IGF1R: variants seen among roughly 807,000 people sequenced by gnomAD.
IGF1R encodes insulin like growth factor 1 receptor, also known as insulin-like growth factor 1 receptor.
A neutral mutation model predicts 144.6 loss-of-function variants in IGF1R; 44 were observed. That is an observed-to-expected ratio of 0.30 (90% CI 0.24 to 0.39). The LOEUF (loss-of-function observed/expected upper bound fraction) is 0.39, where lower values mean the gene tolerates loss of function less well. IGF1R is among the 10% of genes least tolerant of loss of function. The probability of loss-of-function intolerance (pLI) is 1.00; values close to 1 mark genes in which losing one functional copy is unlikely to be tolerated. For synonymous variants in IGF1R, 795 were observed against 722.8 expected (o/e 1.10, Z -1.60); for missense variants, 1,355 against 1,833.7 (o/e 0.74, Z 4.77).
At chr15:98,665,406 A>G (rs1037319010) in intron 1 of IGF1R, among the ~76,000 whole-genome samples, 1 of 152,120 alleles carries the variant, frequency 6.6e-6, no homozygotes, top group Non-Finnish European at 1.5e-5. Context: ...TTTGGATTCC[A>G]AGGCCCTTTT....
intron 2 of IGF1R, among the ~76,000 whole-genome samples, chr15:98,807,073 G>A (rs1169230741): frequency 6.6e-6 from 1 of 152,270 alleles, no homozygotes; most frequent in East Asian, 1.9e-4. Context: ...AAATTAGAAC[G>A]GCCTCACTCA....
rs549043322 is a variant in IGF1R at position 98,652,020 on chromosome 15, A to G, written c.94+2345A>G. 1.0e-4 allele frequency among the ~76,000 whole-genome samples: 15 copies of G among 150,232 alleles called. No individual in the cohort carries two copies. In the South Asian group the frequency reaches 1.7e-3, roughly 17 times the overall value. ...CGTTCTTTCAGCTGTTGTCTGGTGG[A>G]GAAATAAAGACAGGGTGTTGGTTCA... On this transcript the variant is annotated intron_variant, in intron 1 of 20. Transcript: ENST00000650285.
intron 2 of IGF1R, among the ~76,000 whole-genome samples, chr15:98,835,794 A>G (rs1486627016): frequency 6.6e-6 from 1 of 152,166 alleles, no homozygotes; most frequent in Non-Finnish European, 1.5e-5. Flanking sequence ...TCCTTCAGTA[A>G]CTTACTTAAA....
At chr15:98,827,322 G>T (rs943486388) in intron 2 of IGF1R, among the ~76,000 whole-genome samples, 1 of 152,142 alleles carries the variant, frequency 6.6e-6, no homozygotes, top group African/African-American at 2.4e-5. Context: ...CTGTAACCTC[G>T]TTCACATGCC....
intron 2 of IGF1R, among the ~76,000 whole-genome samples, chr15:98,832,124 C>T (rs1224771444): frequency 6.6e-6 from 1 of 152,160 alleles, no homozygotes; most frequent in Non-Finnish European, 1.5e-5. Flanking sequence ...AGAAATTCTT[C>T]CTTTTGCCCC....
At chr15:98,701,139 A>G (rs1251949430) in intron 1 of IGF1R, among the ~76,000 whole-genome samples, 3 of 151,974 alleles carry the variant, frequency 2.0e-5, no homozygotes, top group Admixed American at 6.6e-5. Context: ...GCTTACTGAG[A>G]CAAAACCGAC....
chr15:98,910,130 G>A (rs1315889425), intron 6 of IGF1R, among the ~76,000 whole-genome samples: 1 of 152,192 alleles, frequency 6.6e-6, no homozygotes. Context: ...TGCTCTGGGG[G>A]ATCTTAGAGG....
chr15:98,892,676 T>C (rs1030925454), intron 3 of IGF1R, among the ~76,000 whole-genome samples: 1 of 152,218 alleles, frequency 6.6e-6, no homozygotes, highest in Non-Finnish European at 1.5e-5. Flanking sequence ...ACTATAACTT[T>C]GAAAGCAAAA....
chr15:98,728,863 T>G (rs1371813762), intron 2 of IGF1R, among the ~76,000 whole-genome samples: 5 of 152,240 alleles, frequency 3.3e-5, no homozygotes, highest in Non-Finnish European at 7.3e-5. Flanking sequence ...ATCAGACAGA[T>G]CTGGCTTAAA....
rs746317149 is a variant in IGF1R at position 98,691,367 on chromosome 15, G to GTTT, written c.95-16182_95-16180dup. ...TTGGAGTTGTCTCATGGTTTTTTTTGTTTTTTTTTTTTTTTGAGACAGAGT... is the reference window on the plus strand; with the variant it reads ...TTGGAGTTGTCTCATGGTTTTTTTTGTTTTTTTTTTTTTTTTTTGAGACAGAGT... On this transcript the variant is annotated intron_variant, in intron 1 of 20. Coordinates refer to ENST00000650285, the MANE Select transcript of IGF1R (RefSeq NM_000875.5). Among the ~76,000 whole-genome samples, 191 of 132,146 alleles carry GTTT rather than the reference G, an allele frequency of 1.4e-3. 1 individual carries two copies. Among genetic ancestry groups the GTTT allele is most frequent in the African/African-American group, 5.2e-3 (180 of 34,918 alleles). 86.7% of individuals were successfully genotyped at this position (132,146 alleles called of 152,430 possible). A position where few individuals can be genotyped will look rare whatever the true frequency, so the allele number is the denominator to read the frequency against.
At chr15:98,895,469 G>A (rs957591171) in intron 3 of IGF1R, among the ~76,000 whole-genome samples, 1 of 151,904 alleles carries the variant, frequency 6.6e-6, no homozygotes, top group African/African-American at 2.4e-5. Context: ...AGAAACAACA[G>A]AAGGCCAAGT....
chr15:98,959,417 C>T lies in IGF1R; in HGVS notation c.*1975C>T, dbSNP rs981486635. 8 of 233,834 alleles carry T rather than the reference C, an allele frequency of 3.4e-5. No homozygotes were observed. Among genetic ancestry groups the T allele is most frequent in the African/African-American group, 1.8e-4 (8 of 45,344 alleles). The allele number at this position is 233,834 out of a possible 1,614,324, so 14.5% of individuals were successfully genotyped here. A position where few individuals can be genotyped will look rare whatever the true frequency, so the allele number is the denominator to read the frequency against. Reference sequence around the variant, plus strand: ...GACCTGTCTTTGGAACCAGAACATCCCAAGGGAACTCCTTCGCACTGGCGT... The same window carrying T: ...GACCTGTCTTTGGAACCAGAACATCTCAAGGGAACTCCTTCGCACTGGCGT... On this transcript the variant is annotated 3_prime_UTR_variant, in exon 21 of 21. Transcript: ENST00000650285.
At chr15:98,812,934 AC>A (rs1844020327) in intron 2 of IGF1R, among the ~76,000 whole-genome samples, 1 of 152,264 alleles carries the variant, frequency 6.6e-6, no homozygotes, top group South Asian at 2.1e-4. Context: ...CATTAAGTCC[AC>A]AAACCTGCTT....
intron 6 of IGF1R, among the ~76,000 whole-genome samples, chr15:98,910,260 A>C (rs2014951133): frequency 1.3e-5 from 2 of 152,122 alleles, no homozygotes; most frequent in South Asian, 4.2e-4. Context: ...TCATAGTAAA[A>C]TCGGATGTAT....
At chr15:98,679,704 C>A (rs117730909) in intron 1 of IGF1R, among the ~76,000 whole-genome samples, 262 of 151,288 alleles carry the variant, frequency 1.7e-3, no homozygotes, top group East Asian at 0.017. Context: ...AGAGTGTACT[C>A]CTTATACTTA....
At position 98,961,456 on chromosome 15, in the gene IGF1R, C is replaced by G. The variant is rs2017222747; in HGVS notation, c.*4014C>G. 1 of 233,402 alleles carries G rather than the reference C, an allele frequency of 4.3e-6. No individual in the cohort carries two copies. The highest frequency in any genetic ancestry group is 5.6e-5 in the Admixed American group (1 of 17,800). 14.5% of individuals were successfully genotyped at this position (233,402 alleles called of 1,614,324 possible). On this transcript the variant is annotated 3_prime_UTR_variant, in exon 21 of 21. Coordinates refer to ENST00000650285, the MANE Select transcript of IGF1R (RefSeq NM_000875.5). The stretch of plus-strand genomic sequence containing the variant: ...TGGTGCAGTCACTTTACTGGACCAA[C>G]CCACCCACCTTGACTATACCAAGGC...
chr15:98,713,182 G>T (rs1174221787), intron 2 of IGF1R, among the ~76,000 whole-genome samples: 1 of 152,026 alleles, frequency 6.6e-6, no homozygotes, highest in Non-Finnish European at 1.5e-5. Flanking sequence ...TGCAGATTTC[G>T]GGAGGCCTGT....
intron 2 of IGF1R, among the ~76,000 whole-genome samples, chr15:98,771,156 G>T (rs2055573732): frequency 6.6e-6 from 1 of 152,150 alleles, no homozygotes; most frequent in African/African-American, 2.4e-5. Flanking sequence ...GGCACTGTTT[G>T]TGTATTCCAT....
rs756025626 is a variant in IGF1R at position 98,891,083 on chromosome 15, G to C, written c.641-242G>C. On this transcript the variant is annotated intron_variant, in intron 2 of 20. Transcript: ENST00000650285. The surrounding 1 kb of genome is among the most constrained non-coding windows in gnomAD (Gnocchi z 4.7). ...TCACAGAAGCTAATGGTTTGTCCCA[G>C]ACCAAACAAGGAGTTCCTAGGAGAG... Among the ~76,000 whole-genome samples, 1 of 152,204 alleles carries C rather than the reference G, an allele frequency of 6.6e-6. No individual in the cohort carries two copies. The highest frequency in any genetic ancestry group is 2.4e-5 in the African/African-American group (1 of 41,450).
Sources: allele counts gnomAD v4.1 joint callset (sites outside exome capture counted in the v4.1 genomes callset), GRCh38; gene constraint gnomAD v4.1.1; non-coding constraint Gnocchi (gnomAD v3.1); transcripts MANE v1.5; gene names NCBI Gene and HGNC (gene_info 2026-07-23, HGNC 2026-07-21).